Variants in SLC1A3 observed in about 807,000 individuals in gnomAD.
The protein encoded by SLC1A3 is solute carrier family 1 member 3, also known as excitatory amino acid transporter 1.
A neutral mutation model predicts 48.1 loss-of-function variants in SLC1A3; 21 were observed. The ratio of observed to expected loss-of-function variants is 0.44; its 90% confidence interval spans 0.31 to 0.63. The LOEUF (loss-of-function observed/expected upper bound fraction) is 0.63, where lower values mean the gene tolerates loss of function less well. Ranked by LOEUF, SLC1A3 falls within the 20% of genes least tolerant of loss-of-function variation. The pLI is 0.08. For synonymous variants in SLC1A3, 239 were observed against 251.4 expected, an observed-to-expected ratio of 0.95 and a Z score of 0.47; for missense variants, 546 against 689.0, an observed-to-expected ratio of 0.79 and a Z score of 2.32.
intron 2 of SLC1A3, 142 bp downstream of exon 2, chr5:36,608,746 C>T: frequency 1.4e-6 from 2 of 1,471,168 alleles, no homozygotes; most frequent in Non-Finnish European, 1.8e-6. Context: ...TGATTTTTCT[C>T]CATAAAAATG....
chr5:36,629,894 G>A, intron 3 of SLC1A3: 1 of 401,076 alleles, frequency 2.5e-6, no homozygotes, highest in South Asian at 2.1e-5. Context: ...TGATGTAGTT[G>A]ACAACAGCGT....
At chr5:36,651,134 T>C (rs969718174) in intron 3 of SLC1A3, among the ~76,000 whole-genome samples, 2 of 72,760 alleles carry the variant, frequency 2.7e-5, no homozygotes, top group African/African-American at 1.4e-4. Context: ...GGAAACTAAG[T>C]TTTTTTTAAA....
intron 2 of SLC1A3, among the ~76,000 whole-genome samples, chr5:36,621,057 C>A (rs1739645335): frequency 6.6e-6 from 1 of 152,058 alleles, no homozygotes; most frequent in Non-Finnish European, 1.5e-5. Flanking sequence ...AGGTGTGCAC[C>A]ACCACACCTG....
intron 1 of SLC1A3, among the ~76,000 whole-genome samples, chr5:36,600,098 G>C (rs1738791837): frequency 6.6e-6 from 1 of 152,056 alleles, no homozygotes; most frequent in Admixed American, 6.6e-5. Context: ...TGAGTACTTT[G>C]AGTTACCCAA....
chr5:36,638,454 A>G (rs1327311867), intron 3 of SLC1A3, among the ~76,000 whole-genome samples: 1 of 152,116 alleles, frequency 6.6e-6, no homozygotes, highest in African/African-American at 2.4e-5. Flanking sequence ...ACCTACTTCA[A>G]AGTAAATTGA....
chr5:36,624,037 T>C (rs1249705209), intron 2 of SLC1A3, among the ~76,000 whole-genome samples: 2 of 152,128 alleles, frequency 1.3e-5, no homozygotes, highest in African/African-American at 4.8e-5. Flanking sequence ...CCTACCAAGA[T>C]AAGCAGCCTT....
In SLC1A3 at chr5:36,671,252, G is replaced by A. The variant is rs764729810; in HGVS notation, c.524+19G>A. 22 of 1,581,768 alleles carry A rather than the reference G, an allele frequency of 1.4e-5. No individual in the cohort carries two copies. Among genetic ancestry groups the A allele is most frequent in the African/African-American group, 9.4e-5 (7 of 74,294 alleles). Reference sequence around the variant, plus strand: ...TGATCAGGTATGTCCTTGCAAGCCCGTCCTTTGGGGTGTATTTTCGCCATC... The same window carrying A: ...TGATCAGGTATGTCCTTGCAAGCCCATCCTTTGGGGTGTATTTTCGCCATC... On this transcript the variant is annotated intron_variant, in intron 4 of 9. Coordinates refer to ENST00000265113, the MANE Select transcript of SLC1A3 (RefSeq NM_004172.5).
intron 2 of SLC1A3, among the ~76,000 whole-genome samples, chr5:36,609,543 G>T (rs1473998920): frequency 6.6e-6 from 1 of 152,114 alleles, no homozygotes; most frequent in Non-Finnish European, 1.5e-5. Flanking sequence ...CTTTAAAGAG[G>T]TAATGATTTA....
chr5:36,645,665 A>C (rs943156312), intron 3 of SLC1A3, among the ~76,000 whole-genome samples: 89 of 152,188 alleles, frequency 5.8e-4, no homozygotes, highest in Non-Finnish European at 8.8e-5. Context: ...GGCCAAAGTG[A>C]AGCTTGCTGG....
At chr5:36,607,417 C>A (rs182285172) in intron 1 of SLC1A3, 26 of 152,170 alleles carry the variant, frequency 1.7e-4, no homozygotes, top group African/African-American at 6.3e-4. Flanking sequence ...CTGATTTCCA[C>A]CAGGAAAGAG....
intron 3 of SLC1A3, among the ~76,000 whole-genome samples, chr5:36,664,564 TAC>T (rs1214252431): frequency 2.6e-5 from 4 of 152,030 alleles, no homozygotes; most frequent in Admixed American, 6.6e-5. Context: ...CTCACACACA[TAC>T]ACACAGAGAG....
chr5:36,622,588 T>C (rs936765862), intron 2 of SLC1A3, among the ~76,000 whole-genome samples: 1 of 152,212 alleles, frequency 6.6e-6, no homozygotes, highest in Non-Finnish European at 1.5e-5. Flanking sequence ...TTAAAGTTGG[T>C]CTTTAGCTTG....
At chr5:36,604,026 C>T (rs1394999170), upstream of SLC1A3, among the ~76,000 whole-genome samples, 1 of 152,282 alleles carries the variant, frequency 6.6e-6, no homozygotes, top group Non-Finnish European at 1.5e-5. Flanking sequence ...TCTTGTTCTT[C>T]AAACCAATAA....
At chr5:36,608,898 T>A in intron 2 of SLC1A3, 1 of 1,108,960 alleles carries the variant, frequency 9.0e-7, no homozygotes, top group Non-Finnish European at 1.1e-6. Context: ...GATCATTTAA[T>A]CATTAGGCAT....
intron 2 of SLC1A3, 98 bp downstream of exon 2, chr5:36,608,702 CA>C: frequency 1.3e-6 from 2 of 1,553,330 alleles, no homozygotes; most frequent in Non-Finnish European, 1.7e-6. Context: ...TTGTAGGTAT[CA>C]AAATGGTAGC....
chr5:36,639,218 G>A (rs962738352), intron 3 of SLC1A3, among the ~76,000 whole-genome samples: 6 of 151,882 alleles, frequency 4.0e-5, no homozygotes, highest in Non-Finnish European at 5.9e-5. Flanking sequence ...CTCTGCCTCA[G>A]TTTCTTTATC....
rs68027582 is a variant in SLC1A3 at position 36,645,319 on chromosome 5, C to CTT, written c.319+15760_319+15761dup. Reference sequence around the variant, plus strand: ...ATCTTTGAGGACTGACTTCCGCTGCCTTTTTTTTTTTTTTTTTTTTTTTTT... The same window carrying CTT: ...ATCTTTGAGGACTGACTTCCGCTGCCTTTTTTTTTTTTTTTTTTTTTTTTTTT... On this transcript the variant is annotated intron_variant, in intron 3 of 9. Transcript: ENST00000265113. Among the ~76,000 whole-genome samples, 398 of 84,298 alleles carry CTT rather than the reference C, an allele frequency of 4.7e-3. 142 individuals are homozygous for CTT. The highest frequency in any genetic ancestry group is 6.8e-3 in the Non-Finnish European group (289 of 42,780). The allele number at this position is 84,298 out of a possible 152,430, so 55.3% of individuals were successfully genotyped here.
At chr5:36,662,032 C>G (rs896958092) in intron 3 of SLC1A3, among the ~76,000 whole-genome samples, 1 of 152,178 alleles carries the variant, frequency 6.6e-6, no homozygotes, top group African/African-American at 2.4e-5. Context: ...TTGCAAACTA[C>G]TCATCCAGTG....
chr5:36,676,130 G>A (rs1742197528), intron 5 of SLC1A3, among the ~76,000 whole-genome samples: 1 of 152,296 alleles, frequency 6.6e-6, no homozygotes, highest in East Asian at 1.9e-4. Flanking sequence ...TAGACTTGGA[G>A]AAGATGAGCT....
Sources: gnomAD v4.1 joint callset for allele counts (sites outside exome capture counted in the v4.1 genomes callset) on GRCh38, gnomAD v4.1.1 for gene constraint, MANE v1.5 for transcripts, NCBI Gene and HGNC (gene_info 2026-07-23, HGNC 2026-07-21) for gene names.